Variants in YBX1 observed in about 807,000 individuals in gnomAD.
The protein encoded by YBX1 is Y-box-binding protein 1.
Under a neutral mutation model 41.4 loss-of-function variants are expected in YBX1, and 3 were observed. That is an observed-to-expected ratio of 0.07 (90% CI 0.03 to 0.19). YBX1 has a LOEUF of 0.19. Ranked by LOEUF, YBX1 falls within the 10% of genes least tolerant of loss-of-function variation. The pLI is 1.00. For synonymous variants in YBX1, 133 were observed against 165.8 expected (o/e 0.80, Z 1.52); for missense variants, 274 against 462.8 (o/e 0.59, Z 3.74).
In YBX1 at chr1:42,696,405, AGG is replaced by A; in HGVS notation, c.354+118_354+119del. 9.2e-7 allele frequency: 1 copy of A among 1,082,308 alleles called. No homozygotes were observed. Among genetic ancestry groups the A allele is most frequent in the South Asian group, 1.6e-5 (1 of 62,622 alleles). The allele number at this position is 1,082,308 out of a possible 1,614,324, so 67.0% of individuals were successfully genotyped here. On this transcript the variant is annotated intron_variant, in intron 4 of 7. Transcript: ENST00000321358. This position sits in a 1 kb window ranked among gnomAD's most constrained non-coding sequence, Gnocchi z 5.7. ...TGTGTTCAGGTGACCTCATGAACAC[AGG>A]TGCATCAAGCCTAATGTTCTGGCTG...
chr1:42,682,961 TC>T (rs1650083771), intron 1 of YBX1: 1 of 115,622 alleles, frequency 8.6e-6, no homozygotes, highest in Non-Finnish European at 1.7e-5. Flanking sequence ...CGCGCGCCCC[TC>T]CCCCTGCGGC....
At chr1:42,694,841 T>G (rs1358881270) in intron 3 of YBX1, among the ~76,000 whole-genome samples, 2 of 152,288 alleles carry the variant, frequency 1.3e-5, no homozygotes, top group Non-Finnish European at 2.9e-5. Flanking sequence ...TTCTGCATGT[T>G]CAAAAGAATG....
At position 42,696,426 on chromosome 1, in the gene YBX1, C is replaced by G; in HGVS notation, c.354+138C>G. ...ACACAGGTGCATCAAGCCTAATGTT[C>G]TGGCTGCAGTTAGAGGGCAATCTCT... On this transcript the variant is annotated intron_variant, in intron 4 of 7. Transcript: ENST00000321358. The surrounding 1 kb of genome is among the most constrained non-coding windows in gnomAD (Gnocchi z 5.7). The G allele has an allele frequency of 2.0e-6, 2 of 1,007,584 alleles. No individual in the cohort carries two copies. The highest frequency in any genetic ancestry group is 3.4e-5 in the South Asian group (2 of 58,082). The allele number at this position is 1,007,584 out of a possible 1,614,324, so 62.4% of individuals were successfully genotyped here.
intron 3 of YBX1, among the ~76,000 whole-genome samples, chr1:42,694,219 G>A (rs1204402597): frequency 6.6e-6 from 1 of 152,112 alleles, no homozygotes; most frequent in Non-Finnish European, 1.5e-5. Context: ...GATGAGTACT[G>A]CATAGTGAAC....
rs1213872985 is a variant in YBX1 at position 42,696,297 on chromosome 1, G to A, written c.354+9G>A. 4 of 1,611,514 alleles carry A rather than the reference G, an allele frequency of 2.5e-6. No individual in the cohort carries two copies. The South Asian group carries it at 3.3e-5, about 13-fold the overall frequency. On this transcript the variant is annotated intron_variant, in intron 4 of 7. Coordinates refer to ENST00000321358, the MANE Select transcript of YBX1 (RefSeq NM_004559.5). The surrounding 1 kb of genome is among the most constrained non-coding windows in gnomAD (Gnocchi z 5.7). ...TTGTTGAAGGAGAAAAGGTGAGGAT[G>A]CTTTTTGTGTAAAGGTTTGACTTCA...
chr1:42,683,114 C>G (rs755746800), intron 1 of YBX1: 3 of 588,208 alleles, frequency 5.1e-6, no homozygotes, highest in Non-Finnish European at 9.4e-6. Context: ...ACCGCCTACG[C>G]AGGCCGGAGC....
intron 2 of YBX1, among the ~76,000 whole-genome samples, chr1:42,684,005 G>T (rs1461334337): frequency 6.6e-6 from 1 of 152,132 alleles, no homozygotes; most frequent in Non-Finnish European, 1.5e-5. Context: ...TGACCAGAGA[G>T]AACTGTTTTT....
intron 2 of YBX1, among the ~76,000 whole-genome samples, chr1:42,693,126 T>A (rs970150058): frequency 2.6e-5 from 4 of 152,152 alleles, no homozygotes; most frequent in Admixed American, 1.3e-4. Context: ...AACTACTACT[T>A]CTGTTGGTAA....
chr1:42,686,185 C>T (rs1650191747), intron 2 of YBX1, among the ~76,000 whole-genome samples: 1 of 152,102 alleles, frequency 6.6e-6, no homozygotes, highest in South Asian at 2.1e-4. Context: ...TTTTCTGTTT[C>T]CAGAGTACTT....
chr1:42,684,906 A>T (rs895402950), intron 2 of YBX1, among the ~76,000 whole-genome samples: 5 of 152,310 alleles, frequency 3.3e-5, no homozygotes, highest in East Asian at 3.9e-4. Flanking sequence ...AAGTGTGCTT[A>T]CCTTGGGAGG....
rs533144806 is a variant in YBX1 at position 42,685,660 on chromosome 1, C to A, written c.230+2194C>A. 1.0e-3 allele frequency among the ~76,000 whole-genome samples: 158 copies of A among 152,236 alleles called. 1 individual carries two copies. The highest frequency in any genetic ancestry group is 3.6e-3 in the African/African-American group (150 of 41,524). On this transcript the variant is annotated intron_variant, in intron 2 of 7. Transcript: ENST00000321358. ...TGTTTTCTGTATAAAGGAGAGGGTGCAGTGTTCGGGATGACTATTGTGACG... is the reference window on the plus strand; with the variant it reads ...TGTTTTCTGTATAAAGGAGAGGGTGAAGTGTTCGGGATGACTATTGTGACG...
intron 2 of YBX1, among the ~76,000 whole-genome samples, chr1:42,692,898 C>T (rs1314179012): frequency 2.6e-5 from 4 of 152,214 alleles, no homozygotes; most frequent in African/African-American, 7.2e-5. Flanking sequence ...TACATGGCTC[C>T]GTGGTCTAAA....
intron 6 of YBX1, 73 bp downstream of exon 6, chr1:42,697,335 C>T: frequency 2.1e-6 from 3 of 1,397,702 alleles, no homozygotes; most frequent in Non-Finnish European, 3.0e-6. Flanking sequence ...TATCATGCCT[C>T]TCCTGCAGAC....
Position 42,701,037 on chromosome 1 carries a change from C to T in YBX1, c.*22C>T, listed in dbSNP as rs761102127. ...GTAAATGCCGGCTTACCATCTCTACCATCATCCGGGTAAGCAAGCTTGGAT... is the reference window on the plus strand; with the variant it reads ...GTAAATGCCGGCTTACCATCTCTACTATCATCCGGGTAAGCAAGCTTGGAT... On this transcript the variant is annotated 3_prime_UTR_variant, in exon 7 of 8. Coordinates refer to ENST00000321358, the MANE Select transcript of YBX1 (RefSeq NM_004559.5). 2 of 1,612,438 alleles carry T rather than the reference C, an allele frequency of 1.2e-6. No individual in the cohort carries two copies. The highest frequency in any genetic ancestry group is 1.7e-6 in the Non-Finnish European group (2 of 1,178,550).
At chr1:42,699,632 A>T (rs529568324) in intron 6 of YBX1, among the ~76,000 whole-genome samples, 141 of 150,294 alleles carry the variant, frequency 9.4e-4, no homozygotes, top group East Asian at 2.5e-3. Flanking sequence ...TTTTTTTTTT[A>T]AATTGTTTTG....
At chr1:42,698,246 A>G (rs762832490) in intron 6 of YBX1, among the ~76,000 whole-genome samples, 7 of 152,220 alleles carry the variant, frequency 4.6e-5, no homozygotes, top group Non-Finnish European at 7.3e-5. Context: ...TATTACATGT[A>G]TTTATCAGCA....
In YBX1 at chr1:42,703,131, A is replaced by G. The variant is rs1650646537; in HGVS notation, c.*1182A>G. 6.6e-6 allele frequency among the ~76,000 whole-genome samples: 1 copy of G among 152,050 alleles called. No homozygotes were observed. The highest frequency in any genetic ancestry group is 2.4e-5 in the African/African-American group (1 of 41,402). ...AATAGAGATGGGGTTGCACTGTGTT[A>G]GCCAGGATGGTCTTGATCTCTTGAC... On this transcript the variant is annotated 3_prime_UTR_variant, in exon 8 of 8. Transcript: ENST00000321358.
chr1:42,693,678 C>T (rs1379983724), intron 3 of YBX1, among the ~76,000 whole-genome samples, 155 bp downstream of exon 3: 2 of 152,128 alleles, frequency 1.3e-5, no homozygotes, highest in Non-Finnish European at 2.9e-5. Flanking sequence ...AAAATGTATA[C>T]GTGGAAATGT....
chr1:42,693,048 G>A (rs1478803920), intron 2 of YBX1, among the ~76,000 whole-genome samples: 1 of 152,126 alleles, frequency 6.6e-6, no homozygotes, highest in African/African-American at 2.4e-5. Flanking sequence ...TGGTGGGGAG[G>A]GGGGTTCTCA....
Sources: allele counts gnomAD v4.1 joint callset (sites outside exome capture counted in the v4.1 genomes callset), GRCh38; gene constraint gnomAD v4.1.1; non-coding constraint Gnocchi (gnomAD v3.1); transcripts MANE v1.5; gene names NCBI Gene and HGNC (gene_info 2026-07-23, HGNC 2026-07-21).